Variants in CNGB3 observed in about 807,000 individuals in gnomAD.
CNGB3 encodes the protein cyclic nucleotide-gated channel beta-3.
Under a neutral mutation model 92.8 loss-of-function variants are expected in CNGB3, and 86 were observed. That is an observed-to-expected ratio of 0.93 (90% CI 0.78 to 1.11). The LOEUF (loss-of-function observed/expected upper bound fraction) is 1.11, where lower values mean the gene tolerates loss of function less well. Among genes scored for constraint, CNGB3 ranks in the 50% least tolerant of loss-of-function variants. CNGB3 has a pLI of 0.00. For missense variants in CNGB3, 1,026 were observed against 956.8 expected, an observed-to-expected ratio of 1.07 and a Z score of -0.95; for synonymous variants, 333 against 332.7, an observed-to-expected ratio of 1.00 and a Z score of -0.01.
chr8:86,732,202 T>C (rs1308953483), intron 2 of CNGB3, among the ~76,000 whole-genome samples: 1 of 152,224 alleles, frequency 6.6e-6, no homozygotes, highest in Non-Finnish European at 1.5e-5. Flanking sequence ...AAACAGGGTA[T>C]GCTTTCCATG....
At chr8:86,684,252 G>T (rs114106472) in intron 3 of CNGB3, among the ~76,000 whole-genome samples, 1 of 152,056 alleles carries the variant, frequency 6.6e-6, no homozygotes, top group Non-Finnish European at 1.5e-5. Context: ...AAGGTGTCTC[G>T]CATCATTAGC....
chr8:86,578,242 C>T (rs1821695894), intron 17 of CNGB3, among the ~76,000 whole-genome samples: 1 of 152,110 alleles, frequency 6.6e-6, no homozygotes, highest in African/African-American at 2.4e-5. Context: ...AGAGCTGAAA[C>T]AAGAAAGGAG....
chr8:86,704,940 T>C (rs945620871), intron 3 of CNGB3, among the ~76,000 whole-genome samples: 2 of 152,188 alleles, frequency 1.3e-5, no homozygotes, highest in East Asian at 3.9e-4. Context: ...TAGGTCTCTT[T>C]CGTTCAGAGG....
chr8:86,604,985 C>T (rs1008286381), intron 14 of CNGB3, among the ~76,000 whole-genome samples: 3 of 152,098 alleles, frequency 2.0e-5, no homozygotes, highest in Non-Finnish European at 2.9e-5. Context: ...CTATATGCGC[C>T]ATTTAAGAAC....
intron 15 of CNGB3, among the ~76,000 whole-genome samples, chr8:86,600,254 G>A (rs1254841555): frequency 6.6e-6 from 1 of 152,100 alleles, no homozygotes; most frequent in East Asian, 1.9e-4. Context: ...CTCTCTTCCT[G>A]GGACACAATT....
intron 15 of CNGB3, among the ~76,000 whole-genome samples, chr8:86,592,100 T>A (rs1822057609): frequency 6.6e-6 from 1 of 152,216 alleles, no homozygotes; most frequent in Non-Finnish European, 1.5e-5. Flanking sequence ...GTGACCCGAT[T>A]TTCCAGGTGC....
At position 86,726,949 on chromosome 8, in the gene CNGB3, TATATC is replaced by T. The variant is rs527781618; in HGVS notation, c.212-297_212-293del. On this transcript the variant is annotated intron_variant, in intron 2 of 17. Transcript: ENST00000320005. ...TTGTGCAAACATCATAGAGTGTACTTATATCATACAAATCCTGATGTTATAGCCTA... is the reference window on the plus strand; with the variant it reads ...TTGTGCAAACATCATAGAGTGTACTTATACAAATCCTGATGTTATAGCCTA... 2.0e-4 allele frequency among the ~76,000 whole-genome samples: 31 copies of T among 152,276 alleles called. No homozygotes were observed. In the South Asian group the frequency reaches 5.2e-3, roughly 25 times the overall value.
At chr8:86,631,689 A>T (rs2131584626) in intron 11 of CNGB3, among the ~76,000 whole-genome samples, 1 of 152,296 alleles carries the variant, frequency 6.6e-6, no homozygotes, top group South Asian at 2.1e-4. Flanking sequence ...GATATTTTAT[A>T]CTTAACAATT....
chr8:86,578,517 G>A (rs1479529536), intron 17 of CNGB3, among the ~76,000 whole-genome samples, 172 bp downstream of exon 17: 1 of 152,098 alleles, frequency 6.6e-6, no homozygotes, highest in African/African-American at 2.4e-5. Flanking sequence ...GATGATATGT[G>A]GGAATTCAGC....
At chr8:86,663,903 T>TGG (rs1280948249) in intron 6 of CNGB3, among the ~76,000 whole-genome samples, 1 of 152,260 alleles carries the variant, frequency 6.6e-6, no homozygotes, top group African/African-American at 2.4e-5. Flanking sequence ...TTTTAACACT[T>TGG]CATTGTGTGC....
At chr8:86,623,269 G>T (rs962222844) in intron 13 of CNGB3, among the ~76,000 whole-genome samples, 2 of 152,108 alleles carry the variant, frequency 1.3e-5, no homozygotes, top group African/African-American at 2.4e-5. Flanking sequence ...TTTTCAACTG[G>T]AATCTAACAG....
intron 11 of CNGB3, among the ~76,000 whole-genome samples, chr8:86,631,153 A>G (rs1822954037): frequency 6.6e-6 from 1 of 152,188 alleles, no homozygotes; most frequent in South Asian, 2.1e-4. Flanking sequence ...GGTGTGGTGT[A>G]TAAAACAGCA....
At chr8:86,611,339 AT>A (rs1213571751) in intron 14 of CNGB3, among the ~76,000 whole-genome samples, 1 of 152,176 alleles carries the variant, frequency 6.6e-6, no homozygotes, top group East Asian at 1.9e-4. Flanking sequence ...GATAATTAAC[AT>A]TTAAACAGAG....
chr8:86,723,613 T>C (rs1825011117), intron 3 of CNGB3, among the ~76,000 whole-genome samples: 1 of 152,190 alleles, frequency 6.6e-6, no homozygotes, highest in African/African-American at 2.4e-5. Flanking sequence ...TGGTCAGTTC[T>C]ACATGGTATT....
chr8:86,716,450 A>T (rs1004008370), intron 3 of CNGB3, among the ~76,000 whole-genome samples: 1 of 152,222 alleles, frequency 6.6e-6, no homozygotes, highest in Admixed American at 6.5e-5. Flanking sequence ...GAAGGAAAAA[A>T]TCTTAAGAGC....
chr8:86,658,136 CT>C (rs781345720), intron 6 of CNGB3: 31 of 532,400 alleles, frequency 5.8e-5, no homozygotes, highest in South Asian at 3.8e-4. Flanking sequence ...GGGACTAGGG[CT>C]GCTGCCTCTG....
At chr8:86,743,462 G>A (rs948446248) in intron 1 of CNGB3, 37 bp downstream of exon 1, 2 of 1,613,090 alleles carry the variant, frequency 1.2e-6, no homozygotes, top group Non-Finnish European at 1.7e-6. Context: ...AAGAAATGAT[G>A]AAAATCAAGG....
chr8:86,634,420 A>G (rs1171304986), intron 10 of CNGB3, among the ~76,000 whole-genome samples: 4 of 152,130 alleles, frequency 2.6e-5, no homozygotes, highest in Admixed American at 1.3e-4. Flanking sequence ...TTGGCTTGCA[A>G]TATTTTCCCG....
chr8:86,579,385 GA>G, intron 15 of CNGB3, 133 bp from the exon 16 acceptor site: 3 of 1,040,512 alleles, frequency 2.9e-6, no homozygotes, highest in Non-Finnish European at 4.4e-6. Context: ...GGGTCCAGGT[GA>G]TTGTGCAGAG....
Sources: gnomAD v4.1 joint callset for allele counts (sites outside exome capture counted in the v4.1 genomes callset) on GRCh38, gnomAD v4.1.1 for gene constraint, MANE v1.5 for transcripts, NCBI Gene and HGNC (gene_info 2026-07-23, HGNC 2026-07-21) for gene names.